TPCN1: variants seen among roughly 807,000 people sequenced by gnomAD.
TPCN1 encodes the protein two pore channel protein 1.
Under a neutral mutation model 108.8 loss-of-function variants are expected in TPCN1, and 52 were observed. The ratio of observed to expected loss-of-function variants is 0.48; its 90% CI spans 0.38 to 0.60. TPCN1 has a LOEUF of 0.60. Among genes scored for constraint, TPCN1 ranks in the 20% least tolerant of loss-of-function variants. The probability of loss-of-function intolerance (pLI) is 0.00; values close to 1 mark genes in which losing one functional copy is unlikely to be tolerated. For missense variants in TPCN1, 806 were observed against 1,072.8 expected (o/e 0.75, Z 3.47); for synonymous variants, 446 against 433.7 (o/e 1.03, Z -0.35).
In TPCN1 at chr12:113,268,971, G is replaced by T; in HGVS notation, c.659+99G>T. The T allele has an allele frequency of 7.3e-7, 1 of 1,374,968 alleles. No homozygotes were observed. 85.2% of individuals were successfully genotyped at this position (1,374,968 alleles called of 1,614,324 possible). ...TTGTGAGTCAGTTAGTGATGAGGTC[G>T]ACCCTGCATGCTGGTGGAGTACACG... On this transcript the variant is annotated intron_variant, in intron 6 of 27. Coordinates refer to ENST00000335509, the MANE Select transcript of TPCN1 (RefSeq NM_017901.6). The surrounding 1 kb of genome is among the most constrained non-coding windows in gnomAD (Gnocchi z 7.3).
Position 113,277,296 on chromosome 12 carries a change from C to A in TPCN1, c.1116C>A (p.Pro372=). 3.1e-6 allele frequency: 5 copies of A among 1,614,178 alleles called. No individual in the cohort carries two copies. Among genetic ancestry groups the A allele is most frequent in the Non-Finnish European group, 4.2e-6 (5 of 1,180,016 alleles). Residue 372 remains proline (P), a synonymous_variant, in exon 12 of 28, where the codon CCC becomes CCA. Transcript: ENST00000335509. The stretch of plus-strand genomic sequence containing the variant: ...AAGGCCTCATGCGCTTCTACAAGCC[C>A]CGGATGAGTGCCAGGGAGCGCTATC... ...QFEGLMRFYK[P]RMSARERYLT... is the part of the protein sequence containing the mutation.
At chr12:113,270,614 G>A (rs2136638260) in intron 7 of TPCN1, among the ~76,000 whole-genome samples, 1 of 152,082 alleles carries the variant, frequency 6.6e-6, no homozygotes, top group Non-Finnish European at 1.5e-5. Context: ...CCGAGTAGCT[G>A]GGACTACAGG....
At chr12:113,234,449 A>C (rs1164382713) in intron 2 of TPCN1, among the ~76,000 whole-genome samples, 1 of 152,174 alleles carries the variant, frequency 6.6e-6, no homozygotes, top group Non-Finnish European at 1.5e-5. Flanking sequence ...TGATCCTCTG[A>C]GGTTGTTGAC....
rs757557349 is a variant in TPCN1, at chr12:113,226,732, T to C, written c.-121T>C. ...TTTTTAATTCCCAAACCCTAGAAGATGCCTCTAATGGAGGAGTTTCTGAGC... is the reference window on the plus strand; with the variant it reads ...TTTTTAATTCCCAAACCCTAGAAGACGCCTCTAATGGAGGAGTTTCTGAGC... On this transcript the variant is annotated 5_prime_UTR_variant, in exon 2 of 28. It removes an upstream start codon present in the reference 5' UTR. Coordinates refer to ENST00000335509, the MANE Select transcript of TPCN1 (RefSeq NM_017901.6). 2.1e-5 allele frequency: 33 copies of C among 1,559,356 alleles called. No homozygotes were observed. Among genetic ancestry groups the C allele is most frequent in the Non-Finnish European group, 2.6e-5 (30 of 1,151,200 alleles).
At chr12:113,263,430 T>A (rs891704444) in intron 3 of TPCN1, among the ~76,000 whole-genome samples, 1 of 152,152 alleles carries the variant, frequency 6.6e-6, no homozygotes, top group African/African-American at 2.4e-5. Flanking sequence ...CAGGCTAATT[T>A]TTGTATTTTT....
At chr12:113,283,240 G>A (rs1362708076) in intron 15 of TPCN1, among the ~76,000 whole-genome samples, 1 of 152,174 alleles carries the variant, frequency 6.6e-6, no homozygotes, top group African/African-American at 2.4e-5. Flanking sequence ...CTGTAAGTTG[G>A]ATACCTATCA....
Position 113,288,179 on chromosome 12 carries a change from G to A in TPCN1, c.1651G>A (p.Glu551Lys). The A allele has an allele frequency of 1.2e-6, 2 of 1,613,688 alleles. No homozygotes were observed. The highest frequency in any genetic ancestry group is 1.7e-6 in the Non-Finnish European group (2 of 1,179,778). The change falls in exon 20 of 28, where the codon GAG becomes AAG. Residue 551 changes from glutamate (E) to lysine (K), a missense_variant. By Grantham distance (56) the Glu-to-Lys change is moderately conservative. Coordinates refer to ENST00000335509, the MANE Select transcript of TPCN1 (RefSeq NM_017901.6). The surrounding 1 kb of genome is among the most constrained non-coding windows in gnomAD (Gnocchi z 4.8). ...LQLLRLFKLKERYRNVLDTMF... is the reference protein window; with the variant it reads ...LQLLRLFKLKKRYRNVLDTMF... The stretch of plus-strand genomic sequence containing the variant: ...CTCGCTCAGGTTGTTTAAGTTGAAG[G>A]AGCGCTACCGCAACGTGCTGGACAC...
intron 15 of TPCN1, among the ~76,000 whole-genome samples, chr12:113,283,363 G>A (rs1209475163): frequency 6.6e-6 from 1 of 152,130 alleles, no homozygotes; most frequent in Non-Finnish European, 1.5e-5. Flanking sequence ...GGCTGGGTGT[G>A]GTGGCTCACA....
chr12:113,253,052 T>C (rs566651670), intron 2 of TPCN1, among the ~76,000 whole-genome samples: 1 of 152,176 alleles, frequency 6.6e-6, no homozygotes, highest in Non-Finnish European at 1.5e-5. Context: ...AGGCAAGTAG[T>C]CTACCGATTG....
At chr12:113,264,510 C>T (rs1955170526) in intron 3 of TPCN1, among the ~76,000 whole-genome samples, 1 of 152,016 alleles carries the variant, frequency 6.6e-6, no homozygotes, top group Non-Finnish European at 1.5e-5. Context: ...GAAACACCAT[C>T]TCTACTAAAA....
intron 23 of TPCN1, 22 bp downstream of exon 23, chr12:113,291,020 G>C: frequency 6.2e-7 from 1 of 1,612,122 alleles, no homozygotes; most frequent in Middle Eastern, 1.7e-4. Context: ...GGCAGCTCTG[G>C]GGGTATCTTC....
intron 25 of TPCN1, chr12:113,292,693 G>T: frequency 2.2e-6 from 1 of 454,768 alleles, no homozygotes; most frequent in South Asian, 3.7e-5. Flanking sequence ...GTGCTTAGAG[G>T]CCCCTTCCTG....
intron 25 of TPCN1, chr12:113,292,532 A>G: frequency 5.1e-6 from 1 of 195,520 alleles, no homozygotes; most frequent in Non-Finnish European, 1.0e-5. Flanking sequence ...GGAGGTCAAG[A>G]CTGCAGTGAG....
chr12:113,255,281 G>C (rs1232468484), intron 2 of TPCN1, among the ~76,000 whole-genome samples: 2 of 152,132 alleles, frequency 1.3e-5, no homozygotes, highest in Admixed American at 6.6e-5. Context: ...AGATTAAAAG[G>C]CAACTTCATT....
rs139375324 is a variant in TPCN1 at position 113,250,863 on chromosome 12, G to A, written c.113-9505G>A. Among the ~76,000 whole-genome samples, 799 of 152,158 alleles carry A rather than the reference G, an allele frequency of 5.3e-3. 8 individuals are homozygous for A. The highest frequency in any genetic ancestry group is 0.018 in the African/African-American group (753 of 41,496). ...TTGGTGCATGCCCAGCTACTCAGGA[G>A]GCTGAAGCACAAGAATTGCTTGAAC... On this transcript the variant is annotated intron_variant, in intron 2 of 27. Transcript: ENST00000335509.
chr12:113,252,512 A>G (rs1014662779), intron 2 of TPCN1, among the ~76,000 whole-genome samples: 3 of 152,228 alleles, frequency 2.0e-5, no homozygotes, highest in Admixed American at 2.0e-4. Flanking sequence ...AGCCGCTCAC[A>G]TAGACACTCG....
intron 1 of TPCN1, among the ~76,000 whole-genome samples, chr12:113,225,835 T>G (rs767815270): frequency 2.0e-5 from 3 of 151,894 alleles, no homozygotes; most frequent in Non-Finnish European, 2.9e-5. Flanking sequence ...ATTACAGGTG[T>G]CAGCCACTGT....
rs746940205 is a variant in TPCN1 at position 113,293,031 on chromosome 12, C to T, written c.2211C>T (p.Val737=). The change falls in exon 26 of 28, where the codon GTC becomes GTT. Residue 737 remains valine (V), a synonymous_variant. Coordinates refer to ENST00000335509, the MANE Select transcript of TPCN1 (RefSeq NM_017901.6). ...YREARGASSD[V]TRLLETLSQM... ...AGGCACGGGGGGCCTCCTCGGATGT[C>T]ACCAGGCTGCTGGAGACCCTCTCCC... The T allele has an allele frequency of 2.5e-6, 4 of 1,613,208 alleles. No individual in the cohort carries two copies. The highest frequency in any genetic ancestry group is 1.7e-5 in the Admixed American group (1 of 60,014).
intron 2 of TPCN1, among the ~76,000 whole-genome samples, chr12:113,241,910 G>T (rs953580586): frequency 1.2e-4 from 19 of 152,280 alleles, no homozygotes; most frequent in African/African-American, 4.6e-4. Flanking sequence ...TGAGTGAGCA[G>T]TGGCAGGGAA....
Sources: allele counts gnomAD v4.1 joint callset (sites outside exome capture counted in the v4.1 genomes callset), GRCh38; gene constraint gnomAD v4.1.1; non-coding constraint Gnocchi (gnomAD v3.1); transcripts MANE v1.5; gene names NCBI Gene and HGNC (gene_info 2026-07-23, HGNC 2026-07-21).